The following ZFHX3 variants were observed in gnomAD, a reference collection of about 807,000 sequenced individuals.
ZFHX3 encodes the protein zinc finger homeobox 3.
ZFHX3 carries 42 observed loss-of-function variants against 279.1 expected under a neutral mutation model. That is an observed-to-expected ratio of 0.15 (90% confidence interval 0.12 to 0.19). ZFHX3 has a LOEUF of 0.19. ZFHX3 is among the 10% of genes least tolerant of loss of function. The pLI is 1.00. For synonymous variants in ZFHX3, 2,293 were observed against 1,957.8 expected (o/e 1.17, Z -4.52); for missense variants, 4,981 against 4,754.0 (o/e 1.05, Z -1.40).
At chr16:73,053,590 A>C (rs1371327096) in intron 1 of ZFHX3, among the ~76,000 whole-genome samples, 2 of 152,124 alleles carry the variant, frequency 1.3e-5, no homozygotes, top group African/African-American at 4.8e-5. Flanking sequence ...GAGATGAATC[A>C]CTGCGTGCCA....
chr16:73,019,343 C>CGTGTGTGT (rs112184906), intron 1 of ZFHX3, among the ~76,000 whole-genome samples: 4 of 150,068 alleles, frequency 2.7e-5, no homozygotes, highest in Non-Finnish European at 4.5e-5. Context: ...TGTGTCTGTG[C>CGTGTGTGT]GTGTGTGTGT....
chr16:73,269,747 TTTTC>T (rs1337180943), intron 4 of ZFHX3, among the ~76,000 whole-genome samples: 1 of 151,788 alleles, frequency 6.6e-6, no homozygotes, highest in African/African-American at 2.4e-5. Flanking sequence ...TCTTTTTTGC[TTTTC>T]TTTATTTTTT....
rs116854519 is a variant in ZFHX3, at chr16:73,478,389, C to T, written c.-1546-22131G>A. Among the ~76,000 whole-genome samples the T allele has an allele frequency of 8.5e-4, 130 of 152,146 alleles. 1 individual carries two copies. The East Asian group carries it at 8.9e-3, about 10-fold the overall frequency. On this transcript the variant is annotated intron_variant, in intron 2 of 17. Transcript: ENST00000641206. ...TGCTCTACCAACTGAGCTATCCAGG[C>T]TTCTTCCCTGCTAGTTTATTTTAAT...
In ZFHX3 at chr16:72,795,505, C is replaced by T. The variant is rs200268844; in HGVS notation, c.7177G>A (p.Ala2393Thr). ...GTATTATTGGCTGATGGTGCTGGGGCGCTGTAAGCCTGTGAGGGCATCGGG... is the reference window on the plus strand; with the variant it reads ...GTATTATTGGCTGATGGTGCTGGGGTGCTGTAAGCCTGTGAGGGCATCGGG... ...STPMPSQAYS[A>T]PAPSANNTAS... The change falls in exon 9 of 10, where the codon GCC becomes ACC. Residue 2393 changes from alanine (A) to threonine (T), a missense_variant. By Grantham distance (58) the Ala-to-Thr change is moderately conservative (BLOSUM62 0). Around this residue, in one of 7 missense-constraint regions of ZFHX3, gnomAD observed 744 missense variants for 701.3 expected, o/e 1.06. Transcript: ENST00000268489. 50 of 1,613,938 alleles carry T rather than the reference C, an allele frequency of 3.1e-5. No individual in the cohort carries two copies. The highest frequency in any genetic ancestry group is 1.2e-4 in the South Asian group (11 of 91,062).
chr16:73,280,857 T>C (rs1016951682), intron 4 of ZFHX3, among the ~76,000 whole-genome samples: 1 of 151,928 alleles, frequency 6.6e-6, no homozygotes, highest in Non-Finnish European at 1.5e-5. Context: ...TGGTGGTGCA[T>C]GCCTGTCATC....
chr16:72,982,805 A>G (rs1962669214), intron 1 of ZFHX3, among the ~76,000 whole-genome samples: 1 of 152,188 alleles, frequency 6.6e-6, no homozygotes, highest in Non-Finnish European at 1.5e-5. Flanking sequence ...TAGACCCTAG[A>G]CTGCAAAGAC....
chr16:73,579,873 T>TATATATACAC (rs879701579), intron 2 of ZFHX3, among the ~76,000 whole-genome samples: 11 of 145,428 alleles, frequency 7.6e-5, no homozygotes, highest in African/African-American at 2.3e-4. Flanking sequence ...TATATATATA[T>TATATATACAC]ACATACACAC....
At chr16:73,408,255 A>G (rs906900362) in intron 3 of ZFHX3, among the ~76,000 whole-genome samples, 3 of 152,102 alleles carry the variant, frequency 2.0e-5, no homozygotes, top group East Asian at 1.9e-4. Context: ...TGTCCACCAT[A>G]AAAATAGACG....
At chr16:73,460,966 G>C (rs895533223) in intron 2 of ZFHX3, among the ~76,000 whole-genome samples, 1 of 152,204 alleles carries the variant, frequency 6.6e-6, no homozygotes, top group African/African-American at 2.4e-5. Flanking sequence ...CTGCAGAACT[G>C]TGAGCCAATT....
Position 72,787,038 on chromosome 16 carries a change from T to C in ZFHX3, c.*126A>G, listed in dbSNP as rs1567504177. On this transcript the variant is annotated 3_prime_UTR_variant, in exon 10 of 10. Coordinates refer to ENST00000268489, the MANE Select transcript of ZFHX3 (RefSeq NM_006885.4). ...AACAACCCACGCTTTTTCTTTTTTT[T>C]CTTTTTTTTTTTTTTTTTGTTTTTT... is the stretch of plus-strand genomic sequence containing the variant. The C allele has an allele frequency of 4.7e-6, 5 of 1,057,302 alleles. No individual in the cohort carries two copies. In the Admixed American group the frequency reaches 1.1e-4, roughly 23 times the overall value. The allele number at this position is 1,057,302 out of a possible 1,614,324, so 65.5% of individuals were successfully genotyped here.
intron 4 of ZFHX3, among the ~76,000 whole-genome samples, chr16:73,280,799 T>C (rs918880043): frequency 6.6e-6 from 1 of 151,866 alleles, no homozygotes; most frequent in Non-Finnish European, 1.5e-5. Flanking sequence ...TTGACCAACA[T>C]GGAGAAACCC....
At chr16:72,909,107 G>A (rs770621319) in intron 3 of ZFHX3, among the ~76,000 whole-genome samples, 2 of 152,218 alleles carry the variant, frequency 1.3e-5, no homozygotes, top group Non-Finnish European at 2.9e-5. Flanking sequence ...ATAAGCCAGA[G>A]CCTACCGAGC....
At chr16:72,983,058 C>T (rs750647103) in intron 1 of ZFHX3, among the ~76,000 whole-genome samples, 4 of 152,050 alleles carry the variant, frequency 2.6e-5, no homozygotes, top group South Asian at 2.1e-4. Context: ...AGAAGGAAAC[C>T]GGCTTCTTCC....
chr16:73,192,091 G>C (rs1364201089), intron 5 of ZFHX3, among the ~76,000 whole-genome samples: 1 of 152,084 alleles, frequency 6.6e-6, no homozygotes, highest in Non-Finnish European at 1.5e-5. Flanking sequence ...AGGGGATCTG[G>C]GGACAGAGGG....
At chr16:73,632,775 A>T (rs1299454008) in intron 2 of ZFHX3, among the ~76,000 whole-genome samples, 3 of 152,046 alleles carry the variant, frequency 2.0e-5, no homozygotes, top group Admixed American at 1.3e-4. Context: ...CGAAGTTAAC[A>T]TAAAAAGACT....
At chr16:72,869,886 T>C (rs1476598029) in intron 4 of ZFHX3, among the ~76,000 whole-genome samples, 1 of 152,212 alleles carries the variant, frequency 6.6e-6, no homozygotes, top group Non-Finnish European at 1.5e-5. Flanking sequence ...CCAAAGCTGA[T>C]GCCCGCAATC....
At chr16:73,094,542 G>A (rs1304376604) in intron 7 of ZFHX3, 2 of 138,002 alleles carry the variant, frequency 1.4e-5, no homozygotes, top group East Asian at 2.2e-4. Context: ...GTCACGGTGG[G>A]CGCCAAAGTG....
At chr16:73,848,607 A>G (rs1333139651) in intron 1 of ZFHX3, among the ~76,000 whole-genome samples, 1 of 152,224 alleles carries the variant, frequency 6.6e-6, no homozygotes, top group Non-Finnish European at 1.5e-5. Flanking sequence ...TTCAACACCC[A>G]TGAACATCAT....
chr16:73,369,199 G>C (rs1407106121), intron 3 of ZFHX3, among the ~76,000 whole-genome samples: 1 of 152,132 alleles, frequency 6.6e-6, no homozygotes, highest in African/African-American at 2.4e-5. Context: ...GTTTGCTTTG[G>C]AGAGAAATAC....
Sources: gnomAD v4.1 joint callset for allele counts (sites outside exome capture counted in the v4.1 genomes callset) on GRCh38, gnomAD v4.1.1 for gene constraint, gnomAD v4.1.1 regional missense constraint, MANE v1.5 for transcripts, NCBI Gene and HGNC (gene_info 2026-07-23, HGNC 2026-07-21) for gene names.